LRRC20: variants seen among roughly 807,000 people sequenced by gnomAD.
LRRC20 encodes the protein leucine rich repeat containing 20.
Under a neutral mutation model 14.4 loss-of-function variants are expected in LRRC20, and 11 were observed. That is an observed-to-expected ratio of 0.77 (90% CI 0.48 to 1.27). LRRC20 has a LOEUF of 1.27. Ranked by LOEUF, LRRC20 falls within the 50% of genes most tolerant of loss-of-function variation. The pLI is 0.00. For synonymous variants in LRRC20, 121 were observed against 107.3 expected (o/e 1.13, Z -0.79); for missense variants, 219 against 251.2 (o/e 0.87, Z 0.87).
intron 4 of LRRC20, among the ~76,000 whole-genome samples, chr10:70,318,733 G>C (rs1841965354): frequency 6.9e-6 from 1 of 144,966 alleles, no homozygotes; most frequent in Non-Finnish European, 1.5e-5. Context: ...CAGCCTGTGT[G>C]AGAGATCGAG....
At chr10:70,327,750 A>T (rs1842382915) in intron 3 of LRRC20, among the ~76,000 whole-genome samples, 1 of 152,180 alleles carries the variant, frequency 6.6e-6, no homozygotes, top group Non-Finnish European at 1.5e-5. Context: ...CCAAGGTCAC[A>T]GAAACCCCAA....
intron 3 of LRRC20, among the ~76,000 whole-genome samples, chr10:70,326,042 C>T (rs1471794204): frequency 6.6e-6 from 1 of 152,086 alleles, no homozygotes; most frequent in Admixed American, 6.5e-5. Context: ...AAATGAAAGG[C>T]ACCATGACAT....
chr10:70,377,623 A>G (rs1589134914), intron 1 of LRRC20, among the ~76,000 whole-genome samples: 1 of 152,224 alleles, frequency 6.6e-6, no homozygotes, highest in African/African-American at 2.4e-5. Context: ...AGACAGCTCA[A>G]GAAGCTCCAG....
At chr10:70,362,415 G>C (rs1843768198) in intron 2 of LRRC20, among the ~76,000 whole-genome samples, 1 of 152,252 alleles carries the variant, frequency 6.6e-6, no homozygotes, top group South Asian at 2.1e-4. Flanking sequence ...CCACAGCTTT[G>C]TGGTATGATC....
At chr10:70,327,602 T>C (rs1215499567) in intron 3 of LRRC20, among the ~76,000 whole-genome samples, 1 of 151,718 alleles carries the variant, frequency 6.6e-6, no homozygotes, top group Non-Finnish European at 1.5e-5. Context: ...AAAGTAATAA[T>C]GATAACTAAC....
At chr10:70,355,936 C>G (rs927092795) in intron 2 of LRRC20, among the ~76,000 whole-genome samples, 2 of 152,162 alleles carry the variant, frequency 1.3e-5, no homozygotes, top group Admixed American at 1.3e-4. Flanking sequence ...TGCCTTCTCA[C>G]GTCCTGCTGC....
intron 4 of LRRC20, among the ~76,000 whole-genome samples, chr10:70,310,682 T>G (rs1464516983): frequency 6.6e-6 from 1 of 152,232 alleles, no homozygotes; most frequent in African/African-American, 2.4e-5. Context: ...CATGAGTCCC[T>G]TCAGGCTGAG....
rs577366372 is a variant in LRRC20, at chr10:70,301,284, G to A, written c.*70C>T. 3.2e-6 allele frequency: 5 copies of A among 1,540,728 alleles called. No homozygotes were observed. In the African/African-American group the frequency reaches 6.9e-5, roughly 21 times the overall value. On this transcript the variant is annotated 3_prime_UTR_variant, in exon 5 of 5. Transcript: ENST00000446961. ...AGCCCCCAGGCTTGGCCTCCCATGG[G>A]CCTCCCTCCCTTCCAGGGTTCCAGG...
intron 4 of LRRC20, among the ~76,000 whole-genome samples, chr10:70,302,555 G>A (rs1841238651): frequency 6.6e-6 from 1 of 152,156 alleles, no homozygotes; most frequent in Admixed American, 6.5e-5. Context: ...GCAACATGGT[G>A]AAAGTAATTA....
At chr10:70,347,068 T>C (rs973968756) in intron 2 of LRRC20, among the ~76,000 whole-genome samples, 1 of 152,172 alleles carries the variant, frequency 6.6e-6, no homozygotes, top group African/African-American at 2.4e-5. Context: ...GTATTTTTAG[T>C]AGAGACAGTG....
chr10:70,320,353 G>C (rs1004894052), intron 4 of LRRC20, among the ~76,000 whole-genome samples: 1 of 141,992 alleles, frequency 7.0e-6, no homozygotes, highest in Non-Finnish European at 1.6e-5. Flanking sequence ...ATAGATCTGT[G>C]CATGCACATA....
At chr10:70,339,619 A>G (rs887050688) in intron 3 of LRRC20, among the ~76,000 whole-genome samples, 1 of 152,100 alleles carries the variant, frequency 6.6e-6, no homozygotes, top group Non-Finnish European at 1.5e-5. Context: ...GCTCTGTCAC[A>G]TGGGTCACTG....
chr10:70,352,583 A>C (rs1464419774), intron 2 of LRRC20, among the ~76,000 whole-genome samples: 1 of 152,192 alleles, frequency 6.6e-6, no homozygotes, highest in East Asian at 1.9e-4. Context: ...TTTGGGTAAC[A>C]ATGATGCACC....
intron 2 of LRRC20, among the ~76,000 whole-genome samples, chr10:70,341,371 G>T (rs545704913): frequency 6.6e-6 from 1 of 152,348 alleles, no homozygotes; most frequent in Admixed American, 6.5e-5. Context: ...ATTCACAATG[G>T]CCCGAAAGCC....
chr10:70,319,235 T>C (rs1841988075), intron 4 of LRRC20, among the ~76,000 whole-genome samples: 1 of 151,486 alleles, frequency 6.6e-6, no homozygotes, highest in Non-Finnish European at 1.5e-5. Flanking sequence ...AAATTCCAGC[T>C]TAACTGAAAT....
intron 2 of LRRC20, among the ~76,000 whole-genome samples, chr10:70,372,496 C>T (rs1844317579): frequency 6.7e-6 from 1 of 149,078 alleles, no homozygotes. Context: ...GGCTGGAGTC[C>T]AGTGGCGCAA....
chr10:70,333,924 T>A (rs952807172), intron 3 of LRRC20, among the ~76,000 whole-genome samples: 3 of 152,040 alleles, frequency 2.0e-5, no homozygotes, highest in African/African-American at 7.2e-5. Flanking sequence ...ACATGATGGG[T>A]GGATCATCTG....
chr10:70,334,979 G>T (rs1210672685), intron 3 of LRRC20, among the ~76,000 whole-genome samples: 2 of 152,174 alleles, frequency 1.3e-5, no homozygotes, highest in Non-Finnish European at 2.9e-5. Context: ...TGAGCAGCCA[G>T]GAGCCCTCTG....
chr10:70,368,658 T>C (rs886729512), intron 2 of LRRC20, among the ~76,000 whole-genome samples: 44 of 152,054 alleles, frequency 2.9e-4, no homozygotes, highest in Non-Finnish European at 5.7e-4. Flanking sequence ...TCTTGCTCTG[T>C]CACCTAGGCT....
Sources: allele counts gnomAD v4.1 joint callset (sites outside exome capture counted in the v4.1 genomes callset), GRCh38; gene constraint gnomAD v4.1.1; transcripts MANE v1.5; gene names NCBI Gene and HGNC (gene_info 2026-07-23, HGNC 2026-07-21).